ZCCHC7: variants seen among roughly 807,000 people sequenced by gnomAD.
ZCCHC7 encodes the protein zinc finger CCHC-type containing 7.
ZCCHC7 carries 35 observed loss-of-function variants against 52.0 expected under a neutral mutation model. The ratio of observed to expected loss-of-function variants is 0.67; its 90% CI spans 0.51 to 0.89. ZCCHC7 has a LOEUF of 0.89. ZCCHC7 is among the 40% of genes least tolerant of loss of function. The pLI is 0.00. For missense variants in ZCCHC7, 574 were observed against 649.1 expected (o/e 0.88, Z 1.26); for synonymous variants, 217 against 221.5 (o/e 0.98, Z 0.18).
chr9:37,172,695 T>A (rs1420846457), intron 2 of ZCCHC7, among the ~76,000 whole-genome samples: 8 of 145,116 alleles, frequency 5.5e-5, no homozygotes. Context: ...GAGTGAACAA[T>A]GTGGGCATTC....
rs1830387583 is a variant in ZCCHC7, at chr9:37,329,840, A to G, written c.987+2006A>G. ...GAGTCAATCAGCGCAGTGACCAAGTAATGAAGCCTCAGTTAGAATTGTTAC... is the reference window on the plus strand; with the variant it reads ...GAGTCAATCAGCGCAGTGACCAAGTGATGAAGCCTCAGTTAGAATTGTTAC... On this transcript the variant is annotated intron_variant, in intron 6 of 8. Coordinates refer to ENST00000336755, the MANE Select transcript of ZCCHC7 (RefSeq NM_032226.3). Among the ~76,000 whole-genome samples the G allele has an allele frequency of 2.6e-5, 4 of 152,024 alleles. No homozygotes were observed. In the South Asian group the frequency reaches 6.2e-4, roughly 24 times the overall value.
intron 5 of ZCCHC7, among the ~76,000 whole-genome samples, chr9:37,315,396 T>C (rs1829771277): frequency 6.6e-6 from 1 of 151,592 alleles, no homozygotes; most frequent in Admixed American, 6.6e-5. Context: ...GTGATCTTCG[T>C]TTGTTGTAAG....
intron 2 of ZCCHC7, among the ~76,000 whole-genome samples, chr9:37,299,593 G>T (rs1828940165): frequency 6.6e-6 from 1 of 152,180 alleles, no homozygotes; most frequent in Non-Finnish European, 1.5e-5. Context: ...TTTCCTTGGG[G>T]TGAGATTTTG....
At chr9:37,180,072 C>T (rs1822266358) in intron 2 of ZCCHC7, among the ~76,000 whole-genome samples, 1 of 151,954 alleles carries the variant, frequency 6.6e-6, no homozygotes, top group Non-Finnish European at 1.5e-5. Flanking sequence ...CTGCACTTAG[C>T]ATAGTGTTAG....
chr9:37,254,837 C>CTTTTTTTTTTTTT (rs59489076), intron 2 of ZCCHC7, among the ~76,000 whole-genome samples: 2 of 93,458 alleles, frequency 2.1e-5, no homozygotes, highest in East Asian at 3.0e-4. Context: ...CAAAAAGTTT[C>CTTTTTTTTTTTTT]TTTTTTTTTT....
chr9:37,237,326 C>T (rs977314987), intron 2 of ZCCHC7, among the ~76,000 whole-genome samples: 2 of 152,202 alleles, frequency 1.3e-5, no homozygotes, highest in Admixed American at 6.5e-5. Context: ...TTCAAATTCA[C>T]AAGCGCTAAT....
At chr9:37,237,509 T>C (rs1825705712) in intron 2 of ZCCHC7, among the ~76,000 whole-genome samples, 1 of 152,210 alleles carries the variant, frequency 6.6e-6, no homozygotes, top group East Asian at 1.9e-4. Context: ...ATTAGTGATA[T>C]TGCTTCTAAT....
At chr9:37,132,175 G>T (rs971422167) in intron 2 of ZCCHC7, among the ~76,000 whole-genome samples, 1 of 152,086 alleles carries the variant, frequency 6.6e-6, no homozygotes, top group South Asian at 2.1e-4. Context: ...AAGATGCACC[G>T]AAGGAAGTCA....
chr9:37,157,012 G>A (rs1271974045), intron 2 of ZCCHC7, among the ~76,000 whole-genome samples: 4 of 151,806 alleles, frequency 2.6e-5, no homozygotes, highest in Admixed American at 1.3e-4. Flanking sequence ...TTTCATCATA[G>A]TAAGATGTGG....
At chr9:37,286,773 A>G (rs1828228141) in intron 2 of ZCCHC7, among the ~76,000 whole-genome samples, 1 of 147,556 alleles carries the variant, frequency 6.8e-6, no homozygotes, top group African/African-American at 2.5e-5. Context: ...TATTAATTTA[A>G]TCTTGATTCT....
At chr9:37,199,349 G>A (rs1336159162) in intron 2 of ZCCHC7, among the ~76,000 whole-genome samples, 1 of 66,176 alleles carries the variant, frequency 1.5e-5, no homozygotes, top group Non-Finnish European at 3.1e-5. Context: ...TTTTTTTCTT[G>A]AGACGGAGCT....
In ZCCHC7 at chr9:37,135,093, G is replaced by A. The variant is rs987733295; in HGVS notation, c.610+8151G>A. Among the ~76,000 whole-genome samples the A allele has an allele frequency of 3.9e-5, 6 of 152,092 alleles. No homozygotes were observed. The South Asian group carries it at 8.3e-4, about 21-fold the overall frequency. On this transcript the variant is annotated intron_variant, in intron 2 of 8. Coordinates refer to ENST00000336755, the MANE Select transcript of ZCCHC7 (RefSeq NM_032226.3). ...CTAACCTTATTTTTTTCTCTTAGCCGTATATCCTGGCGATCAATCCATAGT... is the reference window on the plus strand; with the variant it reads ...CTAACCTTATTTTTTTCTCTTAGCCATATATCCTGGCGATCAATCCATAGT...
At chr9:37,133,706 A>G (rs1482610475) in intron 2 of ZCCHC7, among the ~76,000 whole-genome samples, 1 of 152,086 alleles carries the variant, frequency 6.6e-6, no homozygotes, top group Non-Finnish European at 1.5e-5. Context: ...CTTCCACCTC[A>G]GCCTTCCGAG....
chr9:37,138,627 A>T (rs768756691), intron 2 of ZCCHC7, among the ~76,000 whole-genome samples: 1 of 151,834 alleles, frequency 6.6e-6, no homozygotes, highest in African/African-American at 2.4e-5. Context: ...AAATACCATG[A>T]TATGTATTTA....
chr9:37,191,022 CA>C (rs1225816158), intron 2 of ZCCHC7, among the ~76,000 whole-genome samples: 6,032 of 105,528 alleles, frequency 0.057, 361 homozygotes, highest in African/African-American at 0.17. Flanking sequence ...AACTCCGTCT[CA>C]AAAAAAAAAA....
chr9:37,203,989 T>G (rs2133177353), intron 2 of ZCCHC7, among the ~76,000 whole-genome samples: 1 of 152,356 alleles, frequency 6.6e-6, no homozygotes, highest in South Asian at 2.1e-4. Context: ...GACTTTTTAA[T>G]AATCGCCATT....
intron 2 of ZCCHC7, among the ~76,000 whole-genome samples, chr9:37,211,438 A>C: frequency 6.6e-6 from 1 of 152,136 alleles, no homozygotes; most frequent in East Asian, 1.9e-4. Context: ...TACATTATAC[A>C]TATTATTTTT....
intron 2 of ZCCHC7, among the ~76,000 whole-genome samples, chr9:37,133,633 G>T (rs1842883019): frequency 6.6e-6 from 1 of 152,096 alleles, no homozygotes; most frequent in African/African-American, 2.4e-5. Flanking sequence ...GTGTCACCCA[G>T]CCTGGAGTGC....
chr9:37,253,621 A>AT (rs974182402), intron 2 of ZCCHC7, among the ~76,000 whole-genome samples: 1 of 152,006 alleles, frequency 6.6e-6, no homozygotes, highest in Non-Finnish European at 1.5e-5. Context: ...GGAGATTCAC[A>AT]TAAAAAAAAA....
Sources: allele counts gnomAD v4.1 joint callset (sites outside exome capture counted in the v4.1 genomes callset), GRCh38; gene constraint gnomAD v4.1.1; transcripts MANE v1.5; gene names NCBI Gene and HGNC (gene_info 2026-07-23, HGNC 2026-07-21).